Variants in SYNE3 observed in about 807,000 individuals in gnomAD.
SYNE3 encodes nesprin-3.
Under a neutral mutation model 111.2 loss-of-function variants are expected in SYNE3, and 100 were observed. The ratio of observed to expected loss-of-function variants is 0.90; its 90% CI spans 0.77 to 1.06. SYNE3 has a LOEUF of 1.06. SYNE3 is among the 50% of genes least tolerant of loss of function. SYNE3 has a pLI of 0.00. For synonymous variants in SYNE3, 547 were observed against 533.9 expected, an observed-to-expected ratio of 1.02 and a Z score of -0.34; for missense variants, 1,160 against 1,240.3, an observed-to-expected ratio of 0.94 and a Z score of 0.97.
intron 1 of SYNE3, among the ~76,000 whole-genome samples, chr14:95,507,080 C>A (rs1442419697): frequency 6.6e-6 from 1 of 152,236 alleles, no homozygotes; most frequent in African/African-American, 2.4e-5. Context: ...GCACCTGCAC[C>A]CCCACCTTAC....
Position 95,414,965 on chromosome 14 carries a change from T to C in SYNE3, c.*2861A>G, listed in dbSNP as rs957483795. 2.0e-5 allele frequency: 3 copies of C among 152,210 alleles called. No individual in the cohort carries two copies. The highest frequency in any genetic ancestry group is 4.4e-5 in the Non-Finnish European group (3 of 68,038). The allele number at this position is 152,210 out of a possible 1,614,324, so 9.4% of individuals were successfully genotyped here. On this transcript the variant is annotated 3_prime_UTR_variant, in exon 18 of 18. Coordinates refer to ENST00000682763, the MANE Select transcript of SYNE3 (RefSeq NM_152592.6). Reference sequence around the variant, plus strand: ...AAAACAGTTATGCAAACAAACAGACTTGATGGCATCATTATCAAAATTTAA... The same window carrying C: ...AAAACAGTTATGCAAACAAACAGACCTGATGGCATCATTATCAAAATTTAA...
At position 95,443,257 on chromosome 14, in the gene SYNE3, T is replaced by A; in HGVS notation, c.1809A>T (p.Ala603=). ...CCAGAGGCCTTGCAGCCTCCATCTG[T>A]GCCCCCAAGTCCAGCCCCTCTTCCT... ...GLQEEGLDLG[A]QMEAARPLVQ... Residue 603 remains alanine, a synonymous_variant, in exon 11 of 18, where the codon GCA becomes GCT. Coordinates refer to ENST00000682763, the MANE Select transcript of SYNE3 (RefSeq NM_152592.6). The A allele has an allele frequency of 1.2e-6, 2 of 1,614,198 alleles. No individual in the cohort carries two copies. The highest frequency in any genetic ancestry group is 1.7e-6 in the Non-Finnish European group (2 of 1,180,026).
intron 1 of SYNE3, among the ~76,000 whole-genome samples, chr14:95,480,722 T>C (rs867946573): frequency 2.7e-5 from 4 of 150,820 alleles, no homozygotes; most frequent in African/African-American, 7.3e-5. Flanking sequence ...TAAGGAAGAG[T>C]GTGGTTGACT....
At chr14:95,488,458 T>G (rs901569090) in intron 1 of SYNE3, among the ~76,000 whole-genome samples, 1 of 152,192 alleles carries the variant, frequency 6.6e-6, no homozygotes, top group Non-Finnish European at 1.5e-5. Context: ...TACTTGTGTG[T>G]GCACATATGC....
chr14:95,449,939 G>A lies in SYNE3; in HGVS notation c.1441C>T (p.Gln481Ter). ...DLPSLHTFLP[Q>*]IEAALMESSR... Reference sequence around the variant, plus strand: ...GGCAGGACCACGGTTACCTCGATCTGGGGCAGGAAGGTGTGAAGGGAAGGC... The same window carrying A: ...GGCAGGACCACGGTTACCTCGATCTAGGGCAGGAAGGTGTGAAGGGAAGGC... The change falls in exon 8 of 18, where the codon CAG (glutamine) becomes TAG (stop). Residue 481 changes from glutamine to a stop codon, truncating the protein, a stop_gained. Coordinates refer to ENST00000682763, the MANE Select transcript of SYNE3 (RefSeq NM_152592.6). LOFTEE classifies it high-confidence loss of function. 6.4e-7 allele frequency: 1 copy of A among 1,553,632 alleles called. No individual in the cohort carries two copies. The highest frequency in any genetic ancestry group is 1.2e-5 in the South Asian group (1 of 84,152).
intron 3 of SYNE3, among the ~76,000 whole-genome samples, 191 bp from the exon 4 acceptor site, chr14:95,466,431 T>C (rs1382568275): frequency 6.6e-6 from 1 of 152,184 alleles, no homozygotes; most frequent in Non-Finnish European, 1.5e-5. Context: ...TCAGTCCTAC[T>C]GGATAAGACC....
intron 1 of SYNE3, among the ~76,000 whole-genome samples, chr14:95,493,210 T>A (rs1463760395): frequency 1.3e-5 from 2 of 152,162 alleles, no homozygotes; most frequent in African/African-American, 4.8e-5. Context: ...TGAGACCTTT[T>A]TTTCCAAATG....
At chr14:95,508,416 T>A (rs1890604894) in intron 1 of SYNE3, among the ~76,000 whole-genome samples, 1 of 152,250 alleles carries the variant, frequency 6.6e-6, no homozygotes, top group African/African-American at 2.4e-5. Flanking sequence ...GCAGCTTTGA[T>A]GGCTGGGCTC....
chr14:95,455,875 T>C, intron 5 of SYNE3, 151 bp from the exon 6 acceptor site: 1 of 726,122 alleles, frequency 1.4e-6, no homozygotes, highest in Non-Finnish European at 2.2e-6. Context: ...AGGGCTGGAC[T>C]GTCTGCCTTA....
At chr14:95,451,453 C>T (rs1047856927) in intron 7 of SYNE3, 2 of 152,190 alleles carry the variant, frequency 1.3e-5, no homozygotes, top group African/African-American at 4.8e-5. Context: ...AGAGGAAGAC[C>T]CTTGGCCACT....
chr14:95,496,499 C>A (rs1485480637), intron 1 of SYNE3, among the ~76,000 whole-genome samples: 2 of 152,184 alleles, frequency 1.3e-5, no homozygotes, highest in African/African-American at 4.8e-5. Context: ...GGATTTTAAC[C>A]AGCCTCCTCT....
At chr14:95,444,653 A>C in intron 9 of SYNE3, 25 bp from the exon 10 acceptor site, 1 of 1,545,252 alleles carries the variant, frequency 6.5e-7, no homozygotes, top group Non-Finnish European at 8.8e-7. Flanking sequence ...GACAGTGTGC[A>C]CATTAAGAGC....
chr14:95,449,204 T>G (rs1009889184), intron 8 of SYNE3, among the ~76,000 whole-genome samples: 2 of 152,186 alleles, frequency 1.3e-5, no homozygotes, highest in Non-Finnish European at 2.9e-5. Flanking sequence ...ACCAGCATTT[T>G]GGGATGCAAA....
chr14:95,421,037 T>G (rs989421430), intron 17 of SYNE3, among the ~76,000 whole-genome samples: 1 of 152,222 alleles, frequency 6.6e-6, no homozygotes, highest in Non-Finnish European at 1.5e-5. Flanking sequence ...CCCCTTTCAC[T>G]TGGCTCCCAT....
rs551144325 is a variant in SYNE3 at position 95,449,603 on chromosome 14, C to G, written c.1449+328G>C. On this transcript the variant is annotated intron_variant, in intron 8 of 17. Transcript: ENST00000682763. ...AGATACCGCAGGTCAGGTCAGGTTT[C>G]TTGCCACTTGGAGCTGCAGTAAAGG... 1.8e-4 allele frequency: 177 copies of G among 985,462 alleles called. No individual in the cohort carries two copies. In the African/African-American group the frequency reaches 2.9e-3, roughly 16 times the overall value. The allele number at this position is 985,462 out of a possible 1,614,324, so 61.0% of individuals were successfully genotyped here.
At chr14:95,429,455 A>G (rs1331728677) in intron 17 of SYNE3, among the ~76,000 whole-genome samples, 1 of 152,114 alleles carries the variant, frequency 6.6e-6, no homozygotes, top group Admixed American at 6.5e-5. Flanking sequence ...TCGTGTTAGA[A>G]ATGCAGGTTC....
chr14:95,455,802 G>T, intron 5 of SYNE3, 78 bp from the exon 6 acceptor site: 1 of 1,418,948 alleles, frequency 7.0e-7, no homozygotes, highest in Non-Finnish European at 9.7e-7. Flanking sequence ...AGCAGACCTG[G>T]GACTGCCCTG....
In SYNE3 at chr14:95,409,024, G is replaced by C. The variant is rs1903360431; in HGVS notation, c.*8802C>G. 4 of 400,830 alleles carry C rather than the reference G, an allele frequency of 1.0e-5. No homozygotes were observed. The highest frequency in any genetic ancestry group is 8.1e-4 in the Middle Eastern group (2 of 2,484). 24.8% of individuals were successfully genotyped at this position (400,830 alleles called of 1,614,324 possible). A position where few individuals can be genotyped will look rare whatever the true frequency, so the allele number is the denominator to read the frequency against. On this transcript the variant is annotated 3_prime_UTR_variant, in exon 18 of 18. Coordinates refer to ENST00000682763, the MANE Select transcript of SYNE3 (RefSeq NM_152592.6). ...CTTCCCCGCAGGAGTGGGCACAGGA[G>C]GAAAGCAGCATGCTGCCCCTGCTTT... is the stretch of plus-strand genomic sequence containing the variant.
chr14:95,432,202 G>C, intron 16 of SYNE3, 85 bp from the exon 17 acceptor site: 1 of 1,480,438 alleles, frequency 6.8e-7, no homozygotes, highest in Non-Finnish European at 9.2e-7. Context: ...GCCTGTAATG[G>C]AATATTCGTT....
Sources: allele counts gnomAD v4.1 joint callset (sites outside exome capture counted in the v4.1 genomes callset), GRCh38; gene constraint gnomAD v4.1.1; transcripts MANE v1.5; gene names NCBI Gene and HGNC (gene_info 2026-07-23, HGNC 2026-07-21).